The following CEP85L variants were observed in gnomAD, a reference collection of about 807,000 sequenced individuals.
CEP85L encodes centrosomal protein of 85 kDa-like.
Under a neutral mutation model 100.3 loss-of-function variants are expected in CEP85L, and 60 were observed. The observed-to-expected ratio is 0.60, with a 90% CI of 0.49 to 0.74. CEP85L has a LOEUF of 0.74. Among genes scored for constraint, CEP85L ranks in the 30% least tolerant of loss-of-function variants. The pLI, the probability that CEP85L is intolerant of heterozygous loss-of-function variation, is 0.00. For synonymous variants in CEP85L, 319 were observed against 322.7 expected, an observed-to-expected ratio of 0.99 and a Z score of 0.12; for missense variants, 973 against 936.2, an observed-to-expected ratio of 1.04 and a Z score of -0.51.
At chr6:118,555,899 G>A (rs1778840283) in intron 3 of CEP85L, among the ~76,000 whole-genome samples, 1 of 151,572 alleles carries the variant, frequency 6.6e-6, no homozygotes, top group African/African-American at 2.4e-5. Flanking sequence ...AGAACCTGTG[G>A]TATTTGGTTT....
intron 2 of CEP85L, among the ~76,000 whole-genome samples, chr6:118,622,731 G>A (rs60630459): frequency 0.034 from 5,120 of 152,332 alleles, 290 homozygotes; most frequent in African/African-American, 0.12. Flanking sequence ...CACCCATTAA[G>A]TACCACAAGG....
chr6:118,511,157 T>C (rs9489424), intron 5 of CEP85L, 141 bp downstream of exon 5: 427,290 of 610,422 alleles, frequency 0.7, 153,896 homozygotes, highest in Non-Finnish European at 0.75. Context: ...AGTTGGACAC[T>C]CTTTGCCACA....
At chr6:118,672,867 G>C (rs1412826690) in intron 1 of CEP85L, among the ~76,000 whole-genome samples, 1 of 151,846 alleles carries the variant, frequency 6.6e-6, no homozygotes, top group Non-Finnish European at 1.5e-5. Flanking sequence ...AAGAAGAAAA[G>C]AGAAGACAAT....
At chr6:118,696,097 C>A (rs1287808258) in intron 1 of CEP85L, among the ~76,000 whole-genome samples, 1 of 151,992 alleles carries the variant, frequency 6.6e-6, no homozygotes, top group Non-Finnish European at 1.5e-5. Flanking sequence ...ATGGTGAAAA[C>A]CTGTCTCTAC....
At chr6:118,622,917 A>C (rs970905939) in intron 2 of CEP85L, among the ~76,000 whole-genome samples, 1 of 152,234 alleles carries the variant, frequency 6.6e-6, no homozygotes, top group African/African-American at 2.4e-5. Flanking sequence ...AAGGACCCTT[A>C]GTATGGAGCA....
chr6:118,551,197 A>C (rs1583028612), intron 3 of CEP85L, among the ~76,000 whole-genome samples: 1 of 151,874 alleles, frequency 6.6e-6, no homozygotes, highest in East Asian at 1.9e-4. Context: ...ACCCAGAGTA[A>C]TTCTGAAGCA....
chr6:118,655,398 T>C (rs1014709907), upstream of CEP85L, among the ~76,000 whole-genome samples: 1 of 152,250 alleles, frequency 6.6e-6, no homozygotes, highest in Non-Finnish European at 1.5e-5. Flanking sequence ...ATCAATGTTT[T>C]CAGGAACTGC....
chr6:118,523,056 C>G (rs961501722), intron 4 of CEP85L, among the ~76,000 whole-genome samples: 1 of 152,162 alleles, frequency 6.6e-6, no homozygotes, highest in African/African-American at 2.4e-5. Context: ...AAAACACCTA[C>G]TGCGTTATCC....
At chr6:118,648,765 T>C (rs993839655) in intron 1 of CEP85L, among the ~76,000 whole-genome samples, 3 of 149,556 alleles carry the variant, frequency 2.0e-5, no homozygotes, top group Non-Finnish European at 4.4e-5. Context: ...AAAACTAAAG[T>C]GGTTCTATAG....
chr6:118,588,982 A>C (rs1334315364), intron 2 of CEP85L: 2 of 203,614 alleles, frequency 9.8e-6, no homozygotes, highest in Non-Finnish European at 1.1e-5. Flanking sequence ...GTTATTAAAA[A>C]ATTATTTGGC....
At chr6:118,642,839 C>T (rs924133588) in intron 1 of CEP85L, among the ~76,000 whole-genome samples, 3 of 151,764 alleles carry the variant, frequency 2.0e-5, no homozygotes, top group East Asian at 1.9e-4. Context: ...TGCAGTGAGC[C>T]GAGATCACAC....
intron 5 of CEP85L, among the ~76,000 whole-genome samples, chr6:118,509,175 G>A (rs957369562): frequency 2.0e-5 from 3 of 151,808 alleles, no homozygotes; most frequent in African/African-American, 7.3e-5. Context: ...GTCCTTGCAC[G>A]CTGGCTTGGA....
At chr6:118,491,619 G>A in intron 6 of CEP85L, 67 bp downstream of exon 6, 3 of 1,554,840 alleles carry the variant, frequency 1.9e-6, no homozygotes, top group Non-Finnish European at 2.6e-6. Flanking sequence ...CAGGGTAAAT[G>A]ACAGACAAAT....
chr6:118,523,959 T>C (rs1309746912), intron 3 of CEP85L, 39 bp from the exon 4 acceptor site: 1 of 827,464 alleles, frequency 1.2e-6, no homozygotes, highest in Admixed American at 2.7e-5. Flanking sequence ...TACTAAAATA[T>C]TTAAAGAAAA....
At chr6:118,533,230 A>G (rs1777389695) in intron 3 of CEP85L, among the ~76,000 whole-genome samples, 1 of 152,118 alleles carries the variant, frequency 6.6e-6, no homozygotes, top group South Asian at 2.1e-4. Flanking sequence ...TTTATAAACC[A>G]TTACCTAGAC....
At chr6:118,651,173 C>T (rs913452772) in intron 1 of CEP85L, 24 bp downstream of exon 1, 2 of 1,487,010 alleles carry the variant, frequency 1.3e-6, no homozygotes, top group East Asian at 2.9e-5. Context: ...CCCACCCCAG[C>T]CGGGGCGCTG....
intron 3 of CEP85L, among the ~76,000 whole-genome samples, chr6:118,524,862 C>T (rs1023532502): frequency 2.6e-5 from 4 of 152,164 alleles, no homozygotes; most frequent in Admixed American, 6.5e-5. Flanking sequence ...GCCCAGCATG[C>T]GTTCTGGGGG....
intron 2 of CEP85L, among the ~76,000 whole-genome samples, chr6:118,600,300 G>GGGGGGTGTGTGTGTGTGTGTGT (rs1562297733): frequency 1.9e-5 from 1 of 52,236 alleles, no homozygotes. Flanking sequence ...CCTTCCTGGG[G>GGGGGGTGTGTGTGTGTGTGTGT]GTGTGTGTGT....
intron 5 of CEP85L, among the ~76,000 whole-genome samples, chr6:118,493,832 A>C (rs1047722109): frequency 9.9e-5 from 15 of 152,196 alleles, no homozygotes; most frequent in African/African-American, 3.4e-4. Context: ...ATTTGAATAT[A>C]CAAGTACAGA....
Sources: allele counts gnomAD v4.1 joint callset (sites outside exome capture counted in the v4.1 genomes callset), GRCh38; gene constraint gnomAD v4.1.1; transcripts MANE v1.5; gene names NCBI Gene and HGNC (gene_info 2026-07-23, HGNC 2026-07-21).